The following OAF variants were observed in gnomAD, a reference collection of about 807,000 sequenced individuals.
The protein encoded by OAF is out at first homolog.
A neutral mutation model predicts 22.5 loss-of-function variants in OAF; 13 were observed. That is an observed-to-expected ratio of 0.58 (90% CI 0.38 to 0.92). The LOEUF is 0.92. Ranked by LOEUF, OAF falls within the 40% of genes least tolerant of loss-of-function variation. The pLI, the probability that OAF is intolerant of heterozygous loss-of-function variation, is 0.00. For synonymous variants in OAF, 175 were observed against 170.5 expected, an observed-to-expected ratio of 1.03 and a Z score of -0.21; for missense variants, 347 against 381.8, an observed-to-expected ratio of 0.91 and a Z score of 0.76.
chr11:120,223,944 C>T (rs989744958), intron 1 of OAF, among the ~76,000 whole-genome samples: 1 of 152,206 alleles, frequency 6.6e-6, no homozygotes, highest in Admixed American at 6.5e-5. Context: ...GAATATGCTA[C>T]AGGCAGAGCA....
chr11:120,229,934 T>C lies in OAF; in HGVS notation c.*792T>C, dbSNP rs1938415717. On this transcript the variant is annotated 3_prime_UTR_variant, in exon 4 of 4. Coordinates refer to ENST00000328965, the MANE Select transcript of OAF (RefSeq NM_178507.4). ...TACCAGAAATAAACGTTTTAAGTTT[T>C]TACTTGACTAATGAGACCCAGAGTT... 6.6e-6 allele frequency: 1 copy of C among 152,514 alleles called. No individual in the cohort carries two copies. Among genetic ancestry groups the C allele is most frequent in the Admixed American group, 6.5e-5 (1 of 15,282 alleles). The allele number at this position is 152,514 out of a possible 1,614,324, so 9.4% of individuals were successfully genotyped here.
At chr11:120,212,646 T>C (rs374874344) in intron 1 of OAF, among the ~76,000 whole-genome samples, 99 of 150,858 alleles carry the variant, frequency 6.6e-4, no homozygotes, top group African/African-American at 2.2e-3. Flanking sequence ...GACAGGGCGC[T>C]TTAGAGGAGA....
intron 1 of OAF, among the ~76,000 whole-genome samples, chr11:120,212,832 G>A (rs1035026290): frequency 1.4e-5 from 2 of 146,424 alleles, no homozygotes; most frequent in Admixed American, 1.4e-4. Context: ...GCAGATGGGG[G>A]GTGGGGTAGT....
rs1489146273 is a variant in OAF at position 120,224,427 on chromosome 11, A to G, written c.232-1234A>G. ...ACCACAACCCTGTCACATAACTGGG[A>G]TCATCCCCATTTTACACATCAGAGA... On this transcript the variant is annotated intron_variant, in intron 1 of 3. Coordinates refer to ENST00000328965, the MANE Select transcript of OAF (RefSeq NM_178507.4). 3.9e-5 allele frequency among the ~76,000 whole-genome samples: 6 copies of G among 152,214 alleles called. No homozygotes were observed. In the East Asian group the frequency reaches 1.2e-3, roughly 29 times the overall value.
At chr11:120,216,418 GA>G (rs1355821219) in intron 1 of OAF, among the ~76,000 whole-genome samples, 1 of 152,220 alleles carries the variant, frequency 6.6e-6, no homozygotes, top group African/African-American at 2.4e-5. Context: ...CCTTGGGGAG[GA>G]AAAGGCAGTG....
At chr11:120,225,025 A>C (rs1298103034) in intron 1 of OAF, among the ~76,000 whole-genome samples, 2 of 152,136 alleles carry the variant, frequency 1.3e-5, no homozygotes, top group Non-Finnish European at 2.9e-5. Flanking sequence ...TAGCGACCCC[A>C]TGGGGGAAAG....
At chr11:120,215,103 T>C (rs907989475) in intron 1 of OAF, among the ~76,000 whole-genome samples, 8 of 152,072 alleles carry the variant, frequency 5.3e-5, no homozygotes, top group African/African-American at 1.9e-4. Context: ...CCCAGCACTT[T>C]GGGAGGCTGA....
chr11:120,224,079 C>A (rs1198047979), intron 1 of OAF, among the ~76,000 whole-genome samples: 2 of 152,206 alleles, frequency 1.3e-5, no homozygotes, highest in East Asian at 3.8e-4. Flanking sequence ...CAGGGGTTGG[C>A]TGAGCTCTGA....
At chr11:120,218,406 C>T (rs540887874) in intron 1 of OAF, among the ~76,000 whole-genome samples, 20 of 152,308 alleles carry the variant, frequency 1.3e-4, no homozygotes, top group Admixed American at 1.3e-3. Flanking sequence ...CCAGCTTTGC[C>T]GTGGGGCTAG....
chr11:120,226,577 G>C (rs1019683724), intron 2 of OAF, among the ~76,000 whole-genome samples: 1 of 152,254 alleles, frequency 6.6e-6, no homozygotes, highest in African/African-American at 2.4e-5. Flanking sequence ...CCAGAGGTCA[G>C]CCCAGTGGCC....
At chr11:120,218,721 C>G (rs1001231507) in intron 1 of OAF, among the ~76,000 whole-genome samples, 4 of 152,180 alleles carry the variant, frequency 2.6e-5, no homozygotes, top group African/African-American at 9.6e-5. Flanking sequence ...GGGCCATGAC[C>G]AGCACTGGAC....
At chr11:120,213,892 G>C (rs1938180682) in intron 1 of OAF, 1 of 152,238 alleles carries the variant, frequency 6.6e-6, no homozygotes, top group East Asian at 1.9e-4. Flanking sequence ...GGCCAAACGA[G>C]ACCCCTGTCT....
At chr11:120,226,696 C>A in intron 2 of OAF, 120 bp from the exon 3 acceptor site, 2 of 842,390 alleles carry the variant, frequency 2.4e-6, no homozygotes, top group Non-Finnish European at 3.7e-6. Context: ...TGCCACCCTG[C>A]AGATGGCCCC....
chr11:120,226,072 T>C (rs1382897290), intron 2 of OAF, among the ~76,000 whole-genome samples: 1 of 152,176 alleles, frequency 6.6e-6, no homozygotes, highest in African/African-American at 2.4e-5. Context: ...AACCTGACCC[T>C]AGAGCTGCAG....
chr11:120,220,001 C>T (rs576934337), intron 1 of OAF, among the ~76,000 whole-genome samples: 7 of 152,326 alleles, frequency 4.6e-5, no homozygotes, highest in Admixed American at 2.0e-4. Context: ...CCCAGCTGTG[C>T]GACAGACCCC....
At chr11:120,214,699 T>C (rs975346824) in intron 1 of OAF, among the ~76,000 whole-genome samples, 3 of 152,210 alleles carry the variant, frequency 2.0e-5, no homozygotes, top group African/African-American at 7.2e-5. Context: ...GTCAGAGTTC[T>C]GACAGTCTAA....
intron 1 of OAF, among the ~76,000 whole-genome samples, chr11:120,224,886 T>G (rs1258271823): frequency 6.6e-6 from 1 of 152,088 alleles, no homozygotes; most frequent in African/African-American, 2.4e-5. Context: ...AGCACAGGGC[T>G]CCAGCAGCCG....
At chr11:120,225,621 C>T in intron 1 of OAF, 40 bp from the exon 2 acceptor site, 2 of 1,533,516 alleles carry the variant, frequency 1.3e-6, no homozygotes, top group African/African-American at 2.8e-5. Context: ...GGGAAGGTCC[C>T]ACACCCTCCA....
intron 2 of OAF, 149 bp downstream of exon 2, chr11:120,225,944 G>C: frequency 1.5e-6 from 1 of 654,484 alleles, no homozygotes; most frequent in East Asian, 3.1e-5. Context: ...CCCAACCTTA[G>C]CCTCCCACCC....
Sources: allele counts gnomAD v4.1 joint callset (sites outside exome capture counted in the v4.1 genomes callset), GRCh38; gene constraint gnomAD v4.1.1; transcripts MANE v1.5; gene names NCBI Gene and HGNC (gene_info 2026-07-23, HGNC 2026-07-21).